The following ZBBX variants were observed in gnomAD, a reference collection of about 807,000 sequenced individuals.
The protein encoded by ZBBX is zinc finger B-box domain containing.
Under a neutral mutation model 108.5 loss-of-function variants are expected in ZBBX, and 101 were observed. The ratio of observed to expected loss-of-function variants is 0.93; its 90% CI spans 0.79 to 1.10. ZBBX has a LOEUF of 1.10. Among genes scored for constraint, ZBBX ranks in the 50% least tolerant of loss-of-function variants. The pLI is 0.00. For synonymous variants in ZBBX, 356 were observed against 323.4 expected, an observed-to-expected ratio of 1.10 and a Z score of -1.08; for missense variants, 1,009 against 941.4, an observed-to-expected ratio of 1.07 and a Z score of -0.94.
intron 11 of ZBBX, among the ~76,000 whole-genome samples, chr3:167,323,250 G>GA (rs11328015): frequency 4.3e-5 from 4 of 92,912 alleles, no homozygotes; most frequent in African/African-American, 1.1e-4. Flanking sequence ...GGGGGGGGGG[G>GA]AAAGAACTCT....
intron 20 of ZBBX, among the ~76,000 whole-genome samples, chr3:167,250,469 G>A (rs1170672496): frequency 6.6e-6 from 1 of 151,964 alleles, no homozygotes; most frequent in African/African-American, 2.4e-5. Context: ...TGTAATCTCT[G>A]GCACTAAATT....
chr3:167,262,036 C>T (rs1724636844), intron 20 of ZBBX, among the ~76,000 whole-genome samples: 1 of 152,188 alleles, frequency 6.6e-6, no homozygotes, highest in Non-Finnish European at 1.5e-5. Context: ...GCTTCTTCCT[C>T]TACCCCTGTA....
intron 20 of ZBBX, among the ~76,000 whole-genome samples, chr3:167,277,862 C>T (rs1198402166): frequency 6.6e-6 from 1 of 152,094 alleles, no homozygotes; most frequent in Non-Finnish European, 1.5e-5. Context: ...AAGCTCTCCT[C>T]AGCAAATGTA....
intron 18 of ZBBX, among the ~76,000 whole-genome samples, chr3:167,290,594 G>GGGGAGAA (rs1447040576): frequency 1.5e-4 from 23 of 152,128 alleles, no homozygotes; most frequent in Non-Finnish European, 3.4e-4. Context: ...TCACGAAGAT[G>GGGGAGAA]GGGAGAAACC....
chr3:167,250,249 C>A (rs982428835), intron 20 of ZBBX, among the ~76,000 whole-genome samples: 4 of 152,148 alleles, frequency 2.6e-5, no homozygotes, highest in African/African-American at 9.7e-5. Flanking sequence ...AGAGGAGATG[C>A]AGGAAACAGA....
chr3:167,365,970 G>A lies in ZBBX; in HGVS notation c.189C>T (p.Ser63=), dbSNP rs528713569. The A allele has an allele frequency of 2.8e-5, 45 of 1,602,716 alleles. No homozygotes were observed. The East Asian group carries it at 3.6e-4, about 13-fold the overall frequency. ...RNKEKEDRES[S]EYYWKSGKVG... is the part of the protein sequence containing the mutation. ...CTTTTCCAGATTTCCAGTAATACTCGCTTGACCTTTAATATATATAAACAA... is the reference window on the plus strand; with the variant it reads ...CTTTTCCAGATTTCCAGTAATACTCACTTGACCTTTAATATATATAAACAA... The change falls in exon 6 of 22, where the codon AGC becomes AGT. Residue 63 remains serine, a synonymous_variant. Transcript: ENST00000675490.
intron 9 of ZBBX, among the ~76,000 whole-genome samples, chr3:167,341,373 C>T (rs905678746): frequency 5.3e-5 from 8 of 151,406 alleles, no homozygotes; most frequent in East Asian, 1.9e-4. Flanking sequence ...TAAAATAACA[C>T]GAAAATAATG....
intron 4 of ZBBX, among the ~76,000 whole-genome samples, chr3:167,369,438 C>A: frequency 6.6e-6 from 1 of 152,076 alleles, no homozygotes; most frequent in East Asian, 1.9e-4. Context: ...GCAAGCGGGC[C>A]AAGGATATGT....
chr3:167,181,471 G>A, the ZBBX span, among the ~76,000 whole-genome samples: 7 of 152,272 alleles, frequency 4.6e-5, no homozygotes, highest in Non-Finnish European at 7.4e-5. Context: ...AATTGACCAT[G>A]CGGAAGGCCA....
intron 20 of ZBBX, among the ~76,000 whole-genome samples, chr3:167,255,227 C>T (rs757675172): frequency 1.4e-4 from 22 of 151,900 alleles, no homozygotes; most frequent in African/African-American, 4.6e-4. Flanking sequence ...CAGGGTCAGA[C>T]GACAACAGGA....
chr3:167,317,827 C>G (rs1002318886), intron 12 of ZBBX, among the ~76,000 whole-genome samples: 3 of 151,900 alleles, frequency 2.0e-5, no homozygotes, highest in Non-Finnish European at 4.4e-5. Context: ...ATTGCATATC[C>G]TACTGAGTTT....
the ZBBX span, among the ~76,000 whole-genome samples, chr3:167,222,169 G>T: frequency 1.3e-5 from 2 of 150,522 alleles, no homozygotes; most frequent in East Asian, 3.9e-4. Flanking sequence ...TCCATCAACA[G>T]ATGAATAGAT....
the ZBBX span, among the ~76,000 whole-genome samples, chr3:167,231,265 C>T: frequency 6.6e-6 from 1 of 151,654 alleles, no homozygotes; most frequent in Non-Finnish European, 1.5e-5. Context: ...AAGACTCTTC[C>T]CTAAGCATAG....
At chr3:167,367,976 A>G (rs866059547) in intron 5 of ZBBX, among the ~76,000 whole-genome samples, 28 of 19,016 alleles carry the variant, frequency 1.5e-3, no homozygotes, top group Non-Finnish European at 3.0e-3. Context: ...ATGTATATAT[A>G]TATATATATA....
chr3:167,367,258 T>C (rs368147884), intron 5 of ZBBX, among the ~76,000 whole-genome samples: 13 of 151,974 alleles, frequency 8.6e-5, no homozygotes, highest in Admixed American at 5.9e-4. Flanking sequence ...TTTCTCAATG[T>C]CTATCACAAT....
At chr3:167,239,274 C>T (rs542904360), downstream of ZBBX, among the ~76,000 whole-genome samples, 1 of 152,164 alleles carries the variant, frequency 6.6e-6, no homozygotes, top group East Asian at 1.9e-4. Context: ...TTGCTTTACT[C>T]AATGTCTACT....
At chr3:167,376,328 C>T (rs1746946929) in intron 2 of ZBBX, among the ~76,000 whole-genome samples, 1 of 152,158 alleles carries the variant, frequency 6.6e-6, no homozygotes, top group Admixed American at 6.5e-5. Context: ...CAGGAATAAT[C>T]CTGCTCCATA....
chr3:167,237,781 C>T (rs1403498001), downstream of ZBBX, among the ~76,000 whole-genome samples: 1 of 151,850 alleles, frequency 6.6e-6, no homozygotes, highest in African/African-American at 2.4e-5. Context: ...TTTTTTATCT[C>T]AGATTTGGCC....
At chr3:167,244,440 A>G (rs1721214987) in intron 20 of ZBBX, among the ~76,000 whole-genome samples, 1 of 152,206 alleles carries the variant, frequency 6.6e-6, no homozygotes, top group Non-Finnish European at 1.5e-5. Context: ...TCCAAACTCT[A>G]TTATGCATTT....
Sources: allele counts gnomAD v4.1 joint callset (sites outside exome capture counted in the v4.1 genomes callset), GRCh38; gene constraint gnomAD v4.1.1; transcripts MANE v1.5; gene names NCBI Gene and HGNC (gene_info 2026-07-23, HGNC 2026-07-21).